Variants in GTPBP10 observed in about 807,000 individuals in gnomAD.
GTPBP10 encodes GTP binding protein 10, also known as GTP-binding protein 10.
GTPBP10 carries 38 observed loss-of-function variants against 44.8 expected under a neutral mutation model. The observed-to-expected ratio is 0.85, with a 90% CI of 0.65 to 1.11. The LOEUF (loss-of-function observed/expected upper bound fraction) is 1.11. GTPBP10 is among the 50% of genes most tolerant of loss of function. GTPBP10 has a pLI of 0.00. For synonymous variants in GTPBP10, 152 were observed against 150.6 expected, an observed-to-expected ratio of 1.01 and a Z score of -0.07; for missense variants, 462 against 453.7, an observed-to-expected ratio of 1.02 and a Z score of -0.17.
chr7:90,380,485 A>C (rs1260088298), intron 8 of GTPBP10, among the ~76,000 whole-genome samples: 2 of 152,126 alleles, frequency 1.3e-5, no homozygotes, highest in African/African-American at 2.4e-5. Flanking sequence ...TTGTGGCACA[A>C]AACTATTATT....
chr7:90,365,368 CT>C (rs59645149), intron 4 of GTPBP10, among the ~76,000 whole-genome samples: 1,028 of 90,244 alleles, frequency 0.011, 1 homozygote, highest in African/African-American at 0.035. Context: ...TTGGGGTTTT[CT>C]TTTTTTTTTT....
At chr7:90,381,901 A>G (rs1796441259) in intron 8 of GTPBP10, among the ~76,000 whole-genome samples, 1 of 152,210 alleles carries the variant, frequency 6.6e-6, no homozygotes, top group Non-Finnish European at 1.5e-5. Flanking sequence ...TTCACACCAT[A>G]TAAAAAATCA....
In GTPBP10 at chr7:90,374,286, CTG is replaced by C; in HGVS notation, c.539-12_539-11del. 2 of 1,562,456 alleles carry C rather than the reference CTG, an allele frequency of 1.3e-6. No individual in the cohort carries two copies. Among genetic ancestry groups the C allele is most frequent in the East Asian group, 2.3e-5 (1 of 44,434 alleles). On this transcript the variant is annotated splice_polypyrimidine_tract_variant and intron_variant, in intron 5 of 9. Transcript: ENST00000222511. ...AATAAATTCTAGCCTTAATTTATTG[CTG>C]TGTTTCCTTTTAGTTACAACATTAA... is the stretch of plus-strand genomic sequence containing the variant.
At chr7:90,347,737 G>A (rs1407874500) in intron 1 of GTPBP10, 1 of 152,510 alleles carries the variant, frequency 6.6e-6, no homozygotes, top group African/African-American at 2.4e-5. Context: ...TGCTGGGAGA[G>A]CCAGCAAAGT....
At chr7:90,383,538 G>C (rs531869848) in intron 9 of GTPBP10, among the ~76,000 whole-genome samples, 1 of 152,338 alleles carries the variant, frequency 6.6e-6, no homozygotes, top group East Asian at 1.9e-4. Context: ...GGTTTCTGAA[G>C]AGGATGAGTC....
intron 4 of GTPBP10, among the ~76,000 whole-genome samples, chr7:90,361,186 G>A (rs564387164): frequency 8.5e-5 from 13 of 152,244 alleles, no homozygotes; most frequent in African/African-American, 2.9e-4. Flanking sequence ...TAGAAGTGGC[G>A]AGAGAGGGCA....
At position 90,355,199 on chromosome 7, in the gene GTPBP10, C is replaced by A; in HGVS notation, c.433C>A (p.Leu145Ile). Reference sequence around the variant, plus strand: ...CCAGAAACGAATAATTCACCTTGATCTAAAACTTATAGCTGATGTAGGCCT... The same window carrying A: ...CCAGAAACGAATAATTCACCTTGATATAAAACTTATAGCTGATGTAGGCCT... ...KGQKRIIHLD[L>I]KLIADVGLVG... The change falls in exon 4 of 10, where the codon CTA becomes ATA. Residue 145 changes from leucine to isoleucine, a missense_variant. Leu to Ile is a conservative substitution (Grantham distance 5). Transcript: ENST00000222511. The A allele has an allele frequency of 6.2e-7, 1 of 1,600,148 alleles. No homozygotes were observed. The highest frequency in any genetic ancestry group is 1.1e-5 in the South Asian group (1 of 89,308).
At chr7:90,353,161 A>G (rs1795827069) in intron 2 of GTPBP10, 152 bp downstream of exon 2, 2 of 509,790 alleles carry the variant, frequency 3.9e-6, no homozygotes, top group Admixed American at 3.6e-5. Context: ...CTCAACTCAT[A>G]AAAGACTGAT....
Position 90,375,734 on chromosome 7 carries a change from T to C in GTPBP10, c.591+1380T>C, listed in dbSNP as rs975454217. Among the ~76,000 whole-genome samples, 23 of 152,046 alleles carry C rather than the reference T, an allele frequency of 1.5e-4. 1 individual carries two copies. Among genetic ancestry groups the C allele is most frequent in the African/African-American group, 5.5e-4 (23 of 41,460 alleles). ...GCTTCCTTTAAGACCCTGAATTATT[T>C]ATCTACACTGGGCAAGGGATGTCGA... On this transcript the variant is annotated intron_variant, in intron 6 of 9. Coordinates refer to ENST00000222511, the MANE Select transcript of GTPBP10 (RefSeq NM_033107.4).
intron 4 of GTPBP10, among the ~76,000 whole-genome samples, chr7:90,368,267 G>A (rs532632548): frequency 2.0e-5 from 3 of 152,254 alleles, no homozygotes; most frequent in African/African-American, 7.2e-5. Flanking sequence ...TCTTGCGGTT[G>A]CTCTTCTCGA....
chr7:90,376,964 C>T (rs191148776), intron 6 of GTPBP10, among the ~76,000 whole-genome samples: 10 of 152,304 alleles, frequency 6.6e-5, no homozygotes, highest in Admixed American at 1.3e-4. Context: ...TGGCTCACGC[C>T]TGTAATCCCA....
At chr7:90,369,668 T>C (rs17866985) in intron 4 of GTPBP10, among the ~76,000 whole-genome samples, 2,350 of 152,208 alleles carry the variant, frequency 0.015, 57 homozygotes, top group African/African-American at 0.052. Context: ...TGCAAAGACT[T>C]GGGGAAAAGC....
intron 1 of GTPBP10, among the ~76,000 whole-genome samples, chr7:90,349,780 C>T (rs993636876): frequency 1.3e-5 from 2 of 152,172 alleles, no homozygotes; most frequent in Non-Finnish European, 2.9e-5. Context: ...TCAGCATTAA[C>T]AACCTGATTT....
intron 4 of GTPBP10, among the ~76,000 whole-genome samples, chr7:90,365,905 A>G (rs1481185316): frequency 2.0e-5 from 3 of 152,234 alleles, no homozygotes; most frequent in Non-Finnish European, 4.4e-5. Context: ...TGGGTTTGTC[A>G]TAAATAGCCC....
intron 6 of GTPBP10, among the ~76,000 whole-genome samples, chr7:90,375,892 C>G (rs1796337381): frequency 6.6e-6 from 1 of 151,884 alleles, no homozygotes; most frequent in Non-Finnish European, 1.5e-5. Context: ...TTTGTAGCTT[C>G]TAAGAGTTCC....
In GTPBP10 at chr7:90,385,289, T is replaced by A. The variant is rs17869500; in HGVS notation, c.*135T>A. The stretch of plus-strand genomic sequence containing the variant: ...AAAGACAAATGCTGCATAATCTCAC[T>A]GTGGAATCTTAAGTTGAACTCATAG... On this transcript the variant is annotated 3_prime_UTR_variant, in exon 10 of 10. Coordinates refer to ENST00000222511, the MANE Select transcript of GTPBP10 (RefSeq NM_033107.4). The A allele has an allele frequency of 5.5e-3, 3,358 of 615,246 alleles. 72 individuals are homozygous for A. Among genetic ancestry groups the A allele is most frequent in the African/African-American group, 0.051 (2,764 of 53,706 alleles). 38.1% of individuals were successfully genotyped at this position (615,246 alleles called of 1,614,324 possible). A position where few individuals can be genotyped will look rare whatever the true frequency, so the allele number is the denominator to read the frequency against.
In GTPBP10 at chr7:90,388,579, A is replaced by T. The variant is rs1362851518; in HGVS notation, c.*3425A>T. 9.2e-5 allele frequency: 14 copies of T among 152,214 alleles called. No individual in the cohort carries two copies. 9.4% of individuals were successfully genotyped at this position (152,214 alleles called of 1,614,324 possible). On this transcript the variant is annotated 3_prime_UTR_variant, in exon 10 of 10. Coordinates refer to ENST00000222511, the MANE Select transcript of GTPBP10 (RefSeq NM_033107.4). ...ATATATTCATATTATTATTTGTCAT[A>T]ACAAGGTGAACTTTTTTAAAATGGT...
Position 90,364,445 on chromosome 7 carries a change from A to G in GTPBP10, c.465-7710A>G, listed in dbSNP as rs186784801. On this transcript the variant is annotated intron_variant, in intron 4 of 9. Coordinates refer to ENST00000222511, the MANE Select transcript of GTPBP10 (RefSeq NM_033107.4). ...GTATCAGCAGCAGAGGCTGCAGAAC[A>G]GTGAATATTGCTGAACAGCAAATGT... 1.8e-3 allele frequency among the ~76,000 whole-genome samples: 281 copies of G among 152,302 alleles called. 3 individuals are homozygous for G. The highest frequency in any genetic ancestry group is 3.1e-4 in the Non-Finnish European group (21 of 68,022).
chr7:90,365,314 T>G (rs576874316), intron 4 of GTPBP10, among the ~76,000 whole-genome samples: 1 of 152,042 alleles, frequency 6.6e-6, no homozygotes, highest in Non-Finnish European at 1.5e-5. Flanking sequence ...CCTGAGACTT[T>G]GCTGAAGTTG....
Sources: allele counts gnomAD v4.1 joint callset (sites outside exome capture counted in the v4.1 genomes callset), GRCh38; gene constraint gnomAD v4.1.1; transcripts MANE v1.5; gene names NCBI Gene and HGNC (gene_info 2026-07-23, HGNC 2026-07-21).